Variants in CHD1L observed in about 807,000 individuals in gnomAD.
The protein encoded by CHD1L is chromodomain helicase DNA binding protein 1 like.
CHD1L carries 118 observed loss-of-function variants against 115.9 expected under a neutral mutation model. The ratio of observed to expected loss-of-function variants is 1.02; its 90% confidence interval spans 0.88 to 1.19. The LOEUF is 1.19. Among genes scored for constraint, CHD1L ranks in the 50% most tolerant of loss-of-function variants. The pLI, the probability that CHD1L is intolerant of heterozygous loss-of-function variation, is 0.00. For missense variants in CHD1L, 1,179 were observed against 1,065.3 expected, an observed-to-expected ratio of 1.11 and a Z score of -1.49; for synonymous variants, 411 against 387.1, an observed-to-expected ratio of 1.06 and a Z score of -0.72.
At chr1:147,271,442 A>G (rs587597403) in intron 11 of CHD1L, among the ~76,000 whole-genome samples, 5 of 152,356 alleles carry the variant, frequency 3.3e-5, no homozygotes, top group African/African-American at 1.2e-4. Context: ...CTTTTTCTGC[A>G]TAGACAATAA....
chr1:147,180,982 A>G, the CHD1L span, among the ~76,000 whole-genome samples: 2 of 152,234 alleles, frequency 1.3e-5, no homozygotes, highest in African/African-American at 4.8e-5. Context: ...GGCCTAGACA[A>G]GGGTCTAGAG....
At chr1:147,187,117 TG>T in the CHD1L span, 1 of 1,614,080 alleles carries the variant, frequency 6.2e-7, no homozygotes, top group South Asian at 1.1e-5. Context: ...CAGTAATAAG[TG>T]TAATGCCAGC....
chr1:147,250,447 C>G (rs1238237176), intron 1 of CHD1L, among the ~76,000 whole-genome samples: 3 of 152,146 alleles, frequency 2.0e-5, no homozygotes, highest in Non-Finnish European at 2.9e-5. Flanking sequence ...CCCCTTCAGC[C>G]TCTGTCCACA....
At chr1:147,235,665 A>T in the CHD1L span, among the ~76,000 whole-genome samples, 1 of 151,994 alleles carries the variant, frequency 6.6e-6, no homozygotes, top group Non-Finnish European at 1.5e-5. Context: ...GGGTTAGGGT[A>T]AAAAAAATGG....
At chr1:147,243,247 T>G (rs1174685048) in intron 1 of CHD1L, among the ~76,000 whole-genome samples, 1 of 152,076 alleles carries the variant, frequency 6.6e-6, no homozygotes, top group Non-Finnish European at 1.5e-5. Flanking sequence ...AACGATCAAC[T>G]CATCTCCCAG....
rs1267648334 is a variant in CHD1L, at chr1:147,293,726, A to G, written c.2506+4A>G. 1.2e-6 allele frequency: 2 copies of G among 1,606,292 alleles called. No individual in the cohort carries two copies. The highest frequency in any genetic ancestry group is 3.3e-5 in the Admixed American group (2 of 60,000). ...TTAGCAGCAAAAAAGAAGAAAGGTA[A>G]GCTCTTCCACCTGTGCTCAAGAGTA... On this transcript the variant is annotated splice_donor_region_variant and intron_variant, in intron 21 of 22. Transcript: ENST00000369258.
chr1:147,183,023 C>A, the CHD1L span, among the ~76,000 whole-genome samples: 5,579 of 152,130 alleles, frequency 0.037, 106 homozygotes, highest in African/African-American at 0.046. Context: ...CACGATAAAA[C>A]CCCGTCTCTA....
chr1:147,259,508 C>G (rs1317116472), intron 5 of CHD1L: 1 of 182,698 alleles, frequency 5.5e-6, no homozygotes, highest in African/African-American at 2.4e-5. Context: ...CTCTTTTAGA[C>G]TAAATAACAC....
At chr1:147,252,878 G>A in intron 2 of CHD1L, 143 bp downstream of exon 2, 1 of 654,536 alleles carries the variant, frequency 1.5e-6, no homozygotes, top group Admixed American at 2.7e-5. Flanking sequence ...TCTTGCACCG[G>A]GAAAGGGCCT....
At chr1:147,186,158 G>A in the CHD1L span, 1 of 191,750 alleles carries the variant, frequency 5.2e-6, no homozygotes, top group East Asian at 1.9e-4. Flanking sequence ...ATTTAAAAGA[G>A]ATTTAAAAAG....
the CHD1L span, chr1:147,212,523 A>C: frequency 6.2e-7 from 1 of 1,613,050 alleles, no homozygotes; most frequent in Non-Finnish European, 8.5e-7. Flanking sequence ...CTGCCCTTTG[A>C]ACTTCTCAAT....
intron 9 of CHD1L, among the ~76,000 whole-genome samples, chr1:147,267,829 T>TC (rs1674552892): frequency 6.6e-6 from 1 of 152,204 alleles, no homozygotes. Context: ...GCGTTTTTTT[T>TC]CTTTCATTAC....
chr1:147,199,769 TG>T, the CHD1L span, among the ~76,000 whole-genome samples: 6 of 152,212 alleles, frequency 3.9e-5, no homozygotes, highest in Non-Finnish European at 5.9e-5. Flanking sequence ...TGGATAGGAC[TG>T]GAAGTAATAG....
the CHD1L span, among the ~76,000 whole-genome samples, chr1:147,180,111 G>T: frequency 6.6e-6 from 1 of 152,040 alleles, no homozygotes; most frequent in Non-Finnish European, 1.5e-5. Flanking sequence ...TGTAACTTTT[G>T]TGGAGGACTG....
chr1:147,186,068 T>G, the CHD1L span, among the ~76,000 whole-genome samples: 1 of 152,182 alleles, frequency 6.6e-6, no homozygotes, highest in Non-Finnish European at 1.5e-5. Flanking sequence ...AAATCACATT[T>G]GTAGACCACA....
At chr1:147,238,553 C>T (rs1664661700), upstream of CHD1L, among the ~76,000 whole-genome samples, 1 of 152,158 alleles carries the variant, frequency 6.6e-6, no homozygotes, top group African/African-American at 2.4e-5. Flanking sequence ...ACAAAAACAG[C>T]ATGATTGTAT....
intron 19 of CHD1L, among the ~76,000 whole-genome samples, chr1:147,288,946 A>T (rs1356565897): frequency 2.0e-5 from 3 of 152,140 alleles, no homozygotes; most frequent in Non-Finnish European, 4.4e-5. Context: ...TATTGTGGTG[A>T]TTTTCTGGAG....
At chr1:147,198,277 G>A in the CHD1L span, among the ~76,000 whole-genome samples, 8 of 152,244 alleles carry the variant, frequency 5.3e-5, no homozygotes, top group East Asian at 1.5e-3. Context: ...ATGTTTATTA[G>A]ATACCTCTTA....
At chr1:147,252,823 C>G (rs1230023385) in intron 2 of CHD1L, 88 bp downstream of exon 2, 1 of 1,113,152 alleles carries the variant, frequency 9.0e-7, no homozygotes, top group African/African-American at 1.5e-5. Context: ...GGAGCTAAAA[C>G]AAAGCTCAGT....
Sources: allele counts gnomAD v4.1 joint callset (sites outside exome capture counted in the v4.1 genomes callset), GRCh38; gene constraint gnomAD v4.1.1; transcripts MANE v1.5; gene names NCBI Gene and HGNC (gene_info 2026-07-23, HGNC 2026-07-21).